The following SPATA16 variants were observed in gnomAD, a reference collection of about 807,000 sequenced individuals.
SPATA16 encodes the protein spermatogenesis associated 16.
SPATA16 carries 36 observed loss-of-function variants against 63.3 expected under a neutral mutation model. The observed-to-expected ratio is 0.57, with a 90% CI of 0.44 to 0.75. The LOEUF (loss-of-function observed/expected upper bound fraction) is 0.75. Ranked by LOEUF, SPATA16 falls within the 30% of genes least tolerant of loss-of-function variation. The probability of loss-of-function intolerance (pLI) is 0.00; values close to 1 mark genes in which losing one functional copy is unlikely to be tolerated. For missense variants in SPATA16, 646 were observed against 679.3 expected (o/e 0.95, Z 0.54); for synonymous variants, 203 against 216.7 (o/e 0.94, Z 0.56).
At chr3:173,080,318 T>C (rs886166861) in intron 2 of SPATA16, among the ~76,000 whole-genome samples, 2 of 152,212 alleles carry the variant, frequency 1.3e-5, no homozygotes, top group Non-Finnish European at 2.9e-5. Context: ...AGTTAGGGAC[T>C]AGGCAAAGAC....
intron 2 of SPATA16, among the ~76,000 whole-genome samples, chr3:173,106,214 C>T (rs1451373347): frequency 6.6e-6 from 1 of 152,116 alleles, no homozygotes; most frequent in African/African-American, 2.4e-5. Context: ...CATGCATGGC[C>T]CCTGACAACC....
chr3:172,926,404 C>A (rs552107941), intron 6 of SPATA16, among the ~76,000 whole-genome samples: 18 of 152,226 alleles, frequency 1.2e-4, no homozygotes, highest in Non-Finnish European at 2.4e-4. Flanking sequence ...TTCTATCTGC[C>A]CCTGTTCTAA....
At chr3:173,017,240 C>G (rs778040481) in intron 4 of SPATA16, among the ~76,000 whole-genome samples, 2 of 152,078 alleles carry the variant, frequency 1.3e-5, no homozygotes, top group African/African-American at 2.4e-5. Context: ...AACTGCACAC[C>G]AGCATAACCA....
At position 172,981,889 on chromosome 3, in the gene SPATA16, ACTGT is replaced by A. The variant is rs1734327939; in HGVS notation, c.849-4841_849-4838del. ...TCATTCATTTGTGCACTGCTTACAC[ACTGT>A]CTATGACTGCTTTTGTGCAACAATG... is the stretch of plus-strand genomic sequence containing the variant. On this transcript the variant is annotated intron_variant, in intron 4 of 10. Transcript: ENST00000351008. Among the ~76,000 whole-genome samples the A allele has an allele frequency of 2.0e-5, 3 of 152,312 alleles. No homozygotes were observed. The South Asian group carries it at 6.2e-4, about 32-fold the overall frequency.
intron 6 of SPATA16, among the ~76,000 whole-genome samples, chr3:172,927,984 A>G (rs1732779798): frequency 6.6e-6 from 1 of 151,678 alleles, no homozygotes; most frequent in Non-Finnish European, 1.5e-5. Context: ...ATCTTGGCTC[A>G]CTGCAAACTC....
At chr3:172,904,108 C>T (rs1732184856) in intron 10 of SPATA16, among the ~76,000 whole-genome samples, 1 of 152,166 alleles carries the variant, frequency 6.6e-6, no homozygotes, top group South Asian at 2.1e-4. Context: ...GCTATTTTCC[C>T]TCATCTTTCA....
chr3:172,961,386 A>G (rs1733781454), intron 5 of SPATA16, among the ~76,000 whole-genome samples: 1 of 152,126 alleles, frequency 6.6e-6, no homozygotes, highest in South Asian at 2.1e-4. Context: ...GAGAGGCTTA[A>G]GAGACTTTTC....
intron 2 of SPATA16, among the ~76,000 whole-genome samples, chr3:173,113,005 T>C (rs567295195): frequency 6.6e-6 from 1 of 152,342 alleles, no homozygotes; most frequent in Admixed American, 6.5e-5. Context: ...TTGAGTGTTG[T>C]TCCAATAAGT....
rs1030637728 is a variant in SPATA16 at position 172,924,377 on chromosome 3, T to G, written c.1229-60A>C. 5.9e-6 allele frequency: 8 copies of G among 1,364,358 alleles called. No homozygotes were observed. The African/African-American group carries it at 1.1e-4, about 20-fold the overall frequency. The allele number at this position is 1,364,358 out of a possible 1,614,324, so 84.5% of individuals were successfully genotyped here. A position where few individuals can be genotyped will look rare whatever the true frequency, so the allele number is the denominator to read the frequency against. On this transcript the variant is annotated intron_variant, in intron 7 of 10. Coordinates refer to ENST00000351008, the MANE Select transcript of SPATA16 (RefSeq NM_031955.6). ...TCTCCAGACTTCCATTTCAAAATAT[T>G]TTCTTTAGCAAGCTATAAACGAATA...
At chr3:173,134,842 C>G (rs1020518624) in intron 1 of SPATA16, among the ~76,000 whole-genome samples, 1 of 152,068 alleles carries the variant, frequency 6.6e-6, no homozygotes, top group Non-Finnish European at 1.5e-5. Flanking sequence ...GCACAAAAAT[C>G]AATTCCAAAT....
At chr3:173,037,527 A>G (rs1220273465) in intron 3 of SPATA16, among the ~76,000 whole-genome samples, 4 of 152,088 alleles carry the variant, frequency 2.6e-5, no homozygotes, top group Non-Finnish European at 5.9e-5. Context: ...TTTGCTAGTA[A>G]AAGCTTAATA....
chr3:172,959,304 G>A (rs932969771), intron 5 of SPATA16, among the ~76,000 whole-genome samples: 1 of 152,192 alleles, frequency 6.6e-6, no homozygotes, highest in Non-Finnish European at 1.5e-5. Context: ...TAAAAAAGTG[G>A]CAGAAGTGTA....
At chr3:173,022,229 GAAGAAATGC>G (rs1428081133) in intron 3 of SPATA16, among the ~76,000 whole-genome samples, 1 of 152,188 alleles carries the variant, frequency 6.6e-6, no homozygotes, top group East Asian at 1.9e-4. Context: ...GTATGGTGTT[GAAGAAATGC>G]AAGTAGAGGA....
At chr3:172,964,407 A>T (rs891494768) in intron 5 of SPATA16, among the ~76,000 whole-genome samples, 1 of 152,226 alleles carries the variant, frequency 6.6e-6, no homozygotes, top group Non-Finnish European at 1.5e-5. Context: ...ACTCAGAGTT[A>T]CAAGTGTGGG....
chr3:173,067,376 G>A (rs138715281), intron 2 of SPATA16, among the ~76,000 whole-genome samples: 12 of 152,314 alleles, frequency 7.9e-5, no homozygotes, highest in African/African-American at 2.4e-4. Flanking sequence ...TCATTTATAA[G>A]TGGGAGCTAA....
chr3:172,933,468 G>A (rs976200414), intron 6 of SPATA16, among the ~76,000 whole-genome samples: 1 of 152,152 alleles, frequency 6.6e-6, no homozygotes, highest in Non-Finnish European at 1.5e-5. Context: ...TGTGGAAGGG[G>A]CACTCTTATT....
intron 6 of SPATA16, among the ~76,000 whole-genome samples, chr3:172,929,587 A>G (rs1209209844): frequency 6.6e-6 from 1 of 152,068 alleles, no homozygotes; most frequent in East Asian, 1.9e-4. Flanking sequence ...ACACACACAC[A>G]CATTCCCCTT....
intron 5 of SPATA16, among the ~76,000 whole-genome samples, chr3:172,965,855 C>T (rs574348721): frequency 3.9e-5 from 6 of 152,252 alleles, no homozygotes; most frequent in East Asian, 3.9e-4. Context: ...GGATTACAGG[C>T]GTGAGCCACT....
At chr3:172,969,433 A>G (rs1733995752) in intron 5 of SPATA16, among the ~76,000 whole-genome samples, 1 of 152,210 alleles carries the variant, frequency 6.6e-6, no homozygotes, top group South Asian at 2.1e-4. Flanking sequence ...ACTAACTTAA[A>G]AATTGGAAAT....
Sources: gnomAD v4.1 joint callset for allele counts (sites outside exome capture counted in the v4.1 genomes callset) on GRCh38, gnomAD v4.1.1 for gene constraint, MANE v1.5 for transcripts, NCBI Gene and HGNC (gene_info 2026-07-23, HGNC 2026-07-21) for gene names.